TRIM36: variants seen among roughly 807,000 people sequenced by gnomAD.
The protein encoded by TRIM36 is tripartite motif containing 36.
A neutral mutation model predicts 72.4 loss-of-function variants in TRIM36; 42 were observed. That is an observed-to-expected ratio of 0.58 (90% CI 0.45 to 0.75). The LOEUF (loss-of-function observed/expected upper bound fraction) is 0.75. Among genes scored for constraint, TRIM36 ranks in the 30% least tolerant of loss-of-function variants. TRIM36 has a pLI of 0.00. For synonymous variants in TRIM36, 315 were observed against 282.8 expected (o/e 1.11, Z -1.14); for missense variants, 913 against 857.1 (o/e 1.07, Z -0.81).
At chr5:115,144,885 G>T in intron 3 of TRIM36, 141 bp from the exon 4 acceptor site, 1 of 857,598 alleles carries the variant, frequency 1.2e-6, no homozygotes, top group Non-Finnish European at 1.7e-6. Context: ...AAAAATGGTT[G>T]ATACATCACA....
chr5:115,157,939 A>G (rs557338216), intron 2 of TRIM36, among the ~76,000 whole-genome samples: 1 of 152,284 alleles, frequency 6.6e-6, no homozygotes, highest in East Asian at 1.9e-4. Flanking sequence ...TAAGAATAAC[A>G]CAATGGACTC....
chr5:115,171,297 A>T, upstream of TRIM36: 1 of 1,588,262 alleles, frequency 6.3e-7, no homozygotes, highest in South Asian at 1.1e-5. Context: ...CTCCATTTAC[A>T]GATGAGGTGA....
At chr5:115,162,716 G>A (rs529240526) in intron 2 of TRIM36, among the ~76,000 whole-genome samples, 1 of 152,180 alleles carries the variant, frequency 6.6e-6, no homozygotes, top group East Asian at 1.9e-4. Context: ...AGAATATCAA[G>A]TTTTATCTAG....
chr5:115,177,482 C>G, intron 1 of TRIM36: 1 of 1,220,552 alleles, frequency 8.2e-7, no homozygotes, highest in Non-Finnish European at 1.0e-6. Flanking sequence ...CAAACCCGAA[C>G]TACAAAGTGG....
chr5:115,158,516 T>A (rs986601471), intron 2 of TRIM36, among the ~76,000 whole-genome samples: 1 of 152,250 alleles, frequency 6.6e-6, no homozygotes, highest in Non-Finnish European at 1.5e-5. Context: ...GTATTCTGGC[T>A]GCGACTTCCC....
At chr5:115,178,415 A>G (rs747087923) in intron 1 of TRIM36, among the ~76,000 whole-genome samples, 1 of 151,808 alleles carries the variant, frequency 6.6e-6, no homozygotes, top group Non-Finnish European at 1.5e-5. Flanking sequence ...TCCTGCCTGC[A>G]CCTCTCGCTC....
intron 2 of TRIM36, among the ~76,000 whole-genome samples, chr5:115,151,080 G>A (rs1753867838): frequency 6.6e-6 from 1 of 152,202 alleles, no homozygotes; most frequent in Non-Finnish European, 1.5e-5. Flanking sequence ...CTCCACAGGT[G>A]GGAGAAGGAA....
At chr5:115,149,962 T>C (rs1753803509) in intron 2 of TRIM36, among the ~76,000 whole-genome samples, 1 of 152,184 alleles carries the variant, frequency 6.6e-6, no homozygotes, top group African/African-American at 2.4e-5. Context: ...GGTTTCACCA[T>C]GTTAGCCAGG....
chr5:115,152,113 C>CA (rs1420658789), intron 2 of TRIM36, among the ~76,000 whole-genome samples: 2 of 151,762 alleles, frequency 1.3e-5, no homozygotes, highest in East Asian at 1.9e-4. Context: ...TAAGGCAATC[C>CA]AAAAAATGAT....
At chr5:115,157,621 G>T (rs534289818) in intron 2 of TRIM36, among the ~76,000 whole-genome samples, 1 of 152,008 alleles carries the variant, frequency 6.6e-6, no homozygotes, top group African/African-American at 2.4e-5. Context: ...CCACTAGCGG[G>T]TATCTACCCA....
chr5:115,169,690 G>T lies in TRIM36; in HGVS notation c.-56C>A, dbSNP rs1754991083. 19 of 1,509,380 alleles carry T rather than the reference G, an allele frequency of 1.3e-5. No homozygotes were observed. The highest frequency in any genetic ancestry group is 8.8e-7 in the Non-Finnish European group (1 of 1,131,822). The allele number at this position is 1,509,380 out of a possible 1,614,324, so 93.5% of individuals were successfully genotyped here. A position where few individuals can be genotyped will look rare whatever the true frequency, so the allele number is the denominator to read the frequency against. On this transcript the variant is annotated 5_prime_UTR_variant, in exon 1 of 10. Coordinates refer to ENST00000513154, the MANE Select transcript of TRIM36 (RefSeq NM_001300759.2). ...ACGTTCCACTCACACCGGCTACCGA[G>T]CGCAGGGTCTGGTGGGCGGGTCCCT... is the stretch of plus-strand genomic sequence containing the variant.
rs141859521 is a variant in TRIM36 at position 115,149,289 on chromosome 5, G to C, written c.263-1895C>G. On this transcript the variant is annotated intron_variant, in intron 2 of 9. Transcript: ENST00000513154. ...GCCAATGAAAATTTCATTTAGGAAA[G>C]AAAACAAGCCAAACAATTCTGGAGA... 20 of 152,078 alleles carry C rather than the reference G, an allele frequency of 1.3e-4. 1 individual carries two copies. The East Asian group carries it at 3.9e-3, about 29-fold the overall frequency. The allele number at this position is 152,078 out of a possible 1,614,324, so 9.4% of individuals were successfully genotyped here. A position where few individuals can be genotyped will look rare whatever the true frequency, so the allele number is the denominator to read the frequency against.
chr5:115,140,235 T>C (rs1021453247), intron 5 of TRIM36, among the ~76,000 whole-genome samples: 2 of 152,336 alleles, frequency 1.3e-5, no homozygotes, highest in South Asian at 2.1e-4. Context: ...AGTGTCATAC[T>C]AGCTGGGATA....
intron 1 of TRIM36, among the ~76,000 whole-genome samples, chr5:115,167,432 A>G (rs1754844545): frequency 6.6e-6 from 1 of 152,052 alleles, no homozygotes; most frequent in African/African-American, 2.4e-5. Context: ...TTTCCTTTCT[A>G]CTCCATGGTA....
chr5:115,155,705 A>G (rs1754144327), intron 2 of TRIM36, among the ~76,000 whole-genome samples: 1 of 152,202 alleles, frequency 6.6e-6, no homozygotes, highest in African/African-American at 2.4e-5. Flanking sequence ...CACAGCCAAC[A>G]TAATAGTGAA....
chr5:115,150,238 A>G (rs1469223504), intron 2 of TRIM36, among the ~76,000 whole-genome samples: 1 of 152,252 alleles, frequency 6.6e-6, no homozygotes, highest in Non-Finnish European at 1.5e-5. Flanking sequence ...TGGAATTAAG[A>G]ACAAAATGGA....
chr5:115,152,455 A>C (rs1327850783), intron 2 of TRIM36, among the ~76,000 whole-genome samples: 1 of 152,212 alleles, frequency 6.6e-6, no homozygotes, highest in East Asian at 1.9e-4. Flanking sequence ...ATTTGGGGGA[A>C]TAATCGAGGA....
intron 1 of TRIM36, among the ~76,000 whole-genome samples, chr5:115,178,140 C>T (rs1010443871): frequency 6.6e-6 from 1 of 152,088 alleles, no homozygotes; most frequent in South Asian, 2.1e-4. Flanking sequence ...GGTCCTACCC[C>T]GAAATTATTC....
chr5:115,177,026 G>A (rs1755369934), intron 1 of TRIM36: 1 of 152,166 alleles, frequency 6.6e-6, no homozygotes, highest in African/African-American at 2.4e-5. Flanking sequence ...TAAATAAGCT[G>A]ATCCAGTTTG....
Sources: allele counts gnomAD v4.1 joint callset (sites outside exome capture counted in the v4.1 genomes callset), GRCh38; gene constraint gnomAD v4.1.1; transcripts MANE v1.5; gene names NCBI Gene and HGNC (gene_info 2026-07-23, HGNC 2026-07-21).